The following NSUN2 variants were observed in gnomAD, a reference collection of about 807,000 sequenced individuals.
The protein encoded by NSUN2 is RNA cytosine C(5)-methyltransferase NSUN2.
In NSUN2, 63 loss-of-function variants were observed where a neutral mutation model predicts 92.7. The observed-to-expected ratio is 0.68, with a 90% CI of 0.56 to 0.84. The LOEUF (loss-of-function observed/expected upper bound fraction) is 0.84, where lower values mean the gene tolerates loss of function less well. NSUN2 is among the 40% of genes least tolerant of loss of function. NSUN2 has a pLI of 0.00. For missense variants in NSUN2, 989 were observed against 964.9 expected (o/e 1.02, Z -0.33); for synonymous variants, 356 against 348.3 (o/e 1.02, Z -0.25).
intron 18 of NSUN2, among the ~76,000 whole-genome samples, chr5:6,601,174 A>C (rs1010505488): frequency 2.1e-5 from 3 of 141,446 alleles, no homozygotes; most frequent in Admixed American, 1.4e-4. Context: ...AAAAAAAAAA[A>C]ACCATTATTC....
intron 18 of NSUN2, among the ~76,000 whole-genome samples, chr5:6,600,721 C>T (rs942641893): frequency 1.3e-5 from 2 of 152,002 alleles, no homozygotes. Context: ...CTGCCCTTAG[C>T]AGGGCTGCCA....
chr5:6,612,761 A>G (rs1240934493), intron 9 of NSUN2, among the ~76,000 whole-genome samples: 5 of 152,260 alleles, frequency 3.3e-5, no homozygotes, highest in African/African-American at 1.2e-4. Context: ...AGTGCAGGCA[A>G]ACATGCGGGC....
At chr5:6,610,190 AG>A (rs1404911727) in intron 11 of NSUN2, among the ~76,000 whole-genome samples, 1 of 151,936 alleles carries the variant, frequency 6.6e-6, no homozygotes, top group Non-Finnish European at 1.5e-5. Flanking sequence ...CAGCCTCCCA[AG>A]GAGCTGGGAC....
Position 6,632,704 on chromosome 5 carries a change from T to C in NSUN2, c.149A>G (p.His50Arg). 1 of 1,614,094 alleles carries C rather than the reference T, an allele frequency of 6.2e-7. No individual in the cohort carries two copies. Among genetic ancestry groups the C allele is most frequent in the Non-Finnish European group, 8.5e-7 (1 of 1,180,008 alleles). The change falls in exon 2 of 19, where the codon CAC (histidine) becomes CGC (arginine). Residue 50 changes from histidine (H) to arginine (R), a missense_variant. His to Arg is a conservative substitution (Grantham distance 29, BLOSUM62 0). Coordinates refer to ENST00000264670, the MANE Select transcript of NSUN2 (RefSeq NM_017755.6). ...EIVKENKLFE[H>R]YYQELKIVPE... Reference sequence around the variant, plus strand: ...CACGATCTTGAGCTCCTGGTAGTAGTGCTCGAACAGCTTGTTCTCCTTGAC... The same window carrying C: ...CACGATCTTGAGCTCCTGGTAGTAGCGCTCGAACAGCTTGTTCTCCTTGAC...
In NSUN2 at chr5:6,600,045, C is replaced by A. The variant is rs750634544; in HGVS notation, c.2185G>T (p.Asp729Tyr). 2 of 1,614,146 alleles carry A rather than the reference C, an allele frequency of 1.2e-6. No individual in the cohort carries two copies. Among genetic ancestry groups the A allele is most frequent in the African/African-American group, 2.7e-5 (2 of 74,950 alleles). ...NESAASTGQP[D>Y]NDVTEGQRAG... ...CTCTGTCCCTCAGTCACGTCATTGTCTGGCTGTCCGGTGCTGGCTGCACTC... is the reference window on the plus strand; with the variant it reads ...CTCTGTCCCTCAGTCACGTCATTGTATGGCTGTCCGGTGCTGGCTGCACTC... The change falls in exon 19 of 19, where the codon GAC (aspartate) becomes TAC (tyrosine). Residue 729 changes from aspartate to tyrosine, a missense_variant. This residue lies in a region of NSUN2 where 626 missense variants were observed against 602.3 expected (regional missense o/e 1.04). Coordinates refer to ENST00000264670, the MANE Select transcript of NSUN2 (RefSeq NM_017755.6).
At position 6,599,876 on chromosome 5, in the gene NSUN2, A is replaced by T. The variant is rs56282400; in HGVS notation, c.*50T>A. On this transcript the variant is annotated 3_prime_UTR_variant, in exon 19 of 19. Transcript: ENST00000264670. ...GGTTTCAGACACCAGTGACCAGAAG[A>T]AGCCAGTTTTGCGTGTGAGGGGTGT... is the stretch of plus-strand genomic sequence containing the variant. 2 of 1,551,476 alleles carry T rather than the reference A, an allele frequency of 1.3e-6. No homozygotes were observed. The highest frequency in any genetic ancestry group is 1.8e-6 in the Non-Finnish European group (2 of 1,137,286).
At chr5:6,623,082 C>A (rs1366097470) in intron 5 of NSUN2, 132 bp downstream of exon 5, 16 of 517,402 alleles carry the variant, frequency 3.1e-5, no homozygotes, top group Non-Finnish European at 4.9e-5. Flanking sequence ...ACGTACATAT[C>A]ACTCTCTATC....
In NSUN2 at chr5:6,632,654, T is replaced by G. The variant is rs1221986772; in HGVS notation, c.199A>C (p.Met67Leu). 1.9e-6 allele frequency: 3 copies of G among 1,614,164 alleles called. No individual in the cohort carries two copies. The South Asian group carries it at 3.3e-5, about 18-fold the overall frequency. The change falls in exon 2 of 19, where the codon ATG (methionine) becomes CTG (leucine). Residue 67 changes from methionine (M) to leucine (L), a missense_variant. This residue lies in a region of NSUN2 where 356 missense variants were observed against 338.6 expected (regional missense o/e 1.05). Transcript: ENST00000264670. The part of the protein sequence containing the change: ...IVPEGEWGQF[M>L]DALREPLPAT... ...GGGAGCGGCTCCCTGAGAGCGTCCA[T>G]GAACTGGCCCCACTCGCCCTCGGGC...
At position 6,632,658 on chromosome 5, in the gene NSUN2, CT is replaced by C; in HGVS notation, c.194del (p.Gln65ArgfsTer14). On this transcript the variant is annotated frameshift_variant, in exon 2 of 19. Coordinates refer to ENST00000264670, the MANE Select transcript of NSUN2 (RefSeq NM_017755.6). LOFTEE classifies it high-confidence loss of function. ...GCGGCTCCCTGAGAGCGTCCATGAA[CT>C]GGCCCCACTCGCCCTCGGGCACGAT... Reference protein sequence around the residue: ...LKIVPEGEWGQFMDALREPLP... With the variant: ...LKIVPEGEWGXFMDALREPLP... 6.2e-7 allele frequency: 1 copy of C among 1,614,222 alleles called. No homozygotes were observed. Among genetic ancestry groups the C allele is most frequent in the Non-Finnish European group, 8.5e-7 (1 of 1,180,036 alleles).
At chr5:6,626,017 G>GA (rs1252152360) in intron 3 of NSUN2, among the ~76,000 whole-genome samples, 2 of 151,796 alleles carry the variant, frequency 1.3e-5, no homozygotes, top group South Asian at 2.1e-4. Flanking sequence ...AAGGTCATCA[G>GA]AAAAAAAAGA....
chr5:6,620,715 GC>G (rs879356694), intron 6 of NSUN2: 2 of 153,392 alleles, frequency 1.3e-5, no homozygotes, highest in Non-Finnish European at 2.9e-5. Context: ...CTAGGGTGGG[GC>G]CCCAAGCACC....
chr5:6,625,714 AGTC>A, intron 3 of NSUN2, 45 bp from the exon 4 acceptor site: 4 of 1,415,572 alleles, frequency 2.8e-6, no homozygotes, highest in Non-Finnish European at 4.0e-6. Flanking sequence ...TAAATACTAA[AGTC>A]GTCTGTTGAC....
chr5:6,605,286 C>A lies in NSUN2; in HGVS notation c.1724G>T (p.Ser575Ile). 1 of 1,614,178 alleles carries A rather than the reference C, an allele frequency of 6.2e-7. No homozygotes were observed. Among genetic ancestry groups the A allele is most frequent in the Non-Finnish European group, 8.5e-7 (1 of 1,179,996 alleles). Residue 575 changes from serine (S) to isoleucine (I), a missense_variant, in exon 15 of 19, where the codon AGT becomes ATT. Physicochemically the swap from Ser to Ile is moderately radical, Grantham distance 142. Around this residue, in one of 3 missense-constraint regions of NSUN2, gnomAD observed 626 missense variants for 602.3 expected, o/e 1.04. Coordinates refer to ENST00000264670, the MANE Select transcript of NSUN2 (RefSeq NM_017755.6). ...KELRNVLLNN[S>I]EKMKVINTGI... ...TGCGGCTGGCACCTTCATCTTCTCA[C>A]TGTTATTCAGCAGCACATTCCGCAA...
At chr5:6,613,974 G>A (rs1476423912) in intron 9 of NSUN2, among the ~76,000 whole-genome samples, 5 of 151,840 alleles carry the variant, frequency 3.3e-5, no homozygotes, top group African/African-American at 1.2e-4. Context: ...GCACATGCCT[G>A]TAGTCCCAGC....
rs1736483897 is a variant in NSUN2, at chr5:6,600,052, T to A, written c.2178A>T (p.Gly726=). Residue 726 remains glycine (G), a synonymous_variant, in exon 19 of 19, where the codon GGA becomes GGT. Transcript: ENST00000264670. ...ILTNESAAST[G]QPDNDVTEGQ... ...CCTCAGTCACGTCATTGTCTGGCTG[T>A]CCGGTGCTGGCTGCACTCTCATTTG... The A allele has an allele frequency of 1.2e-6, 2 of 1,614,232 alleles. No individual in the cohort carries two copies. The highest frequency in any genetic ancestry group is 2.2e-5 in the South Asian group (2 of 91,088).
At chr5:6,611,893 T>C (rs1265258332) in intron 9 of NSUN2, 95 bp from the exon 10 acceptor site, 2 of 1,071,564 alleles carry the variant, frequency 1.9e-6, no homozygotes, top group Non-Finnish European at 2.8e-6. Context: ...ACATATTATA[T>C]GATTCCATGT....
chr5:6,617,339 A>G (rs1263503810), intron 8 of NSUN2, among the ~76,000 whole-genome samples: 1 of 152,224 alleles, frequency 6.6e-6, no homozygotes, highest in African/African-American at 2.4e-5. Context: ...GGCACAGTAC[A>G]GTCCTGCATG....
chr5:6,603,518 C>T (rs984517850), intron 17 of NSUN2, among the ~76,000 whole-genome samples: 10 of 152,046 alleles, frequency 6.6e-5, no homozygotes, highest in African/African-American at 1.4e-4. Flanking sequence ...GGTGAAACCC[C>T]GTCTCTACTA....
intron 11 of NSUN2, 149 bp downstream of exon 11, chr5:6,610,806 T>C: frequency 1.2e-6 from 1 of 839,548 alleles, no homozygotes; most frequent in Non-Finnish European, 1.8e-6. Context: ...GCTGGGAAGT[T>C]CACACACATG....
Sources: gnomAD v4.1 joint callset for allele counts (sites outside exome capture counted in the v4.1 genomes callset) on GRCh38, gnomAD v4.1.1 for gene constraint, gnomAD v4.1.1 regional missense constraint, MANE v1.5 for transcripts, NCBI Gene and HGNC (gene_info 2026-07-23, HGNC 2026-07-21) for gene names.